Variants in ZNF407 observed in about 807,000 individuals in gnomAD.
ZNF407 encodes zinc finger protein 407.
ZNF407 carries 17 observed loss-of-function variants against 131.2 expected under a neutral mutation model. The observed-to-expected ratio is 0.13, with a 90% CI of 0.09 to 0.19. The LOEUF is 0.19. Among genes scored for constraint, ZNF407 ranks in the 10% least tolerant of loss-of-function variants. ZNF407 has a pLI of 1.00. For synonymous variants in ZNF407, 1,156 were observed against 1,062.0 expected (o/e 1.09, Z -1.72); for missense variants, 2,681 against 2,830.6 (o/e 0.95, Z 1.20).
intron 3 of ZNF407, among the ~76,000 whole-genome samples, chr18:74,754,267 T>C (rs190107237): frequency 6.6e-6 from 1 of 152,344 alleles, no homozygotes; most frequent in African/African-American, 2.4e-5. Flanking sequence ...GCTAGCGGTC[T>C]ATCAATTCTG....
In ZNF407 at chr18:74,632,501, A is replaced by G. The variant is rs371339535; in HGVS notation, c.1482A>G (p.Ser494=). ...SSVQRVCVTT[S]ETQEAEQGQG... is the part of the protein sequence containing the mutation. The stretch of plus-strand genomic sequence containing the variant: ...TGCAGAGAGTGTGTGTGACTACCTC[A>G]GAAACCCAGGAGGCAGAGCAGGGCC... The change falls in exon 2 of 9, where the codon TCA becomes TCG. Residue 494 remains serine, a synonymous_variant. Coordinates refer to ENST00000299687, the MANE Select transcript of ZNF407 (RefSeq NM_017757.3). 28 of 1,613,924 alleles carry G rather than the reference A, an allele frequency of 1.7e-5. No homozygotes were observed. The highest frequency in any genetic ancestry group is 4.5e-5 in the East Asian group (2 of 44,894).
Position 74,635,784 on chromosome 18 carries a change from T to TG in ZNF407, c.4687+80dup, listed in dbSNP as rs1984434771. ...CCATCCAGATATGCAGCCCTACCTG[T>TG]GGCTGCTCATTGGCTTTCCACCCGG... On this transcript the variant is annotated intron_variant, in intron 2 of 8. Transcript: ENST00000299687. The surrounding 1 kb of genome is among the most constrained non-coding windows in gnomAD (Gnocchi z 4.7). The TG allele has an allele frequency of 6.6e-7, 1 of 1,505,230 alleles. No homozygotes were observed. Among genetic ancestry groups the TG allele is most frequent in the Non-Finnish European group, 8.9e-7 (1 of 1,127,410 alleles). 93.2% of individuals were successfully genotyped at this position (1,505,230 alleles called of 1,614,324 possible).
intron 3 of ZNF407, among the ~76,000 whole-genome samples, chr18:74,669,273 GCTT>G (rs1196236209): frequency 3.3e-5 from 5 of 152,214 alleles, no homozygotes; most frequent in Non-Finnish European, 5.9e-5. Flanking sequence ...AGAGGACTCG[GCTT>G]TCTGACCAGG....
At chr18:74,909,901 T>C (rs1183624304) in intron 7 of ZNF407, among the ~76,000 whole-genome samples, 6 of 152,202 alleles carry the variant, frequency 3.9e-5, no homozygotes, top group African/African-American at 1.4e-4. Context: ...GCAGAGTTTT[T>C]CCTTTCTAAA....
chr18:74,888,668 T>G (rs1488401124), intron 6 of ZNF407, among the ~76,000 whole-genome samples: 1 of 152,196 alleles, frequency 6.6e-6, no homozygotes, highest in African/African-American at 2.4e-5. Context: ...CATTTAAATT[T>G]ACATTAATTA....
chr18:75,032,046 A>G (rs1320669701), intron 8 of ZNF407, among the ~76,000 whole-genome samples: 3 of 152,214 alleles, frequency 2.0e-5, no homozygotes, highest in African/African-American at 4.8e-5. Flanking sequence ...GAAACTTTCT[A>G]TCGTAAGTAG....
chr18:74,679,216 T>C (rs1420196147), intron 3 of ZNF407, among the ~76,000 whole-genome samples: 1 of 152,258 alleles, frequency 6.6e-6, no homozygotes, highest in African/African-American at 2.4e-5. Context: ...AAAAACGTAA[T>C]TGCCATCCAG....
intron 8 of ZNF407, among the ~76,000 whole-genome samples, chr18:74,930,052 G>T (rs977369066): frequency 6.6e-6 from 1 of 152,050 alleles, no homozygotes; most frequent in African/African-American, 2.4e-5. Flanking sequence ...CTGTATTCTC[G>T]TATTCAGAGT....
chr18:74,816,057 G>T (rs1369907337), intron 4 of ZNF407, among the ~76,000 whole-genome samples: 1 of 152,178 alleles, frequency 6.6e-6, no homozygotes, highest in Non-Finnish European at 1.5e-5. Flanking sequence ...ATGCTCATGA[G>T]TGTCCAAATT....
intron 1 of ZNF407, among the ~76,000 whole-genome samples, chr18:74,601,126 G>A (rs118169262): frequency 0.011 from 1,707 of 152,176 alleles, 19 homozygotes; most frequent in Non-Finnish European, 0.017. Context: ...TGTCTGCTTC[G>A]GGTGACTGGG....
At chr18:74,655,528 T>C (rs568580177) in intron 3 of ZNF407, among the ~76,000 whole-genome samples, 100 of 152,238 alleles carry the variant, frequency 6.6e-4, no homozygotes, top group African/African-American at 2.3e-3. Context: ...GTATTGACTC[T>C]TATCCCTTAT....
In ZNF407 at chr18:74,632,054, T is replaced by G; in HGVS notation, c.1035T>G (p.Leu345=). The change falls in exon 2 of 9, where the codon CTT becomes CTG. Residue 345 remains leucine (L), a synonymous_variant. Coordinates refer to ENST00000299687, the MANE Select transcript of ZNF407 (RefSeq NM_017757.3). ...SKQSGSSSEL[L]VEMMPSRNTL... ...AAAGTGGTAGTAGCAGTGAGCTTCT[T>G]GTTGAAATGATGCCTTCCAGAAATA... 1 of 1,613,750 alleles carries G rather than the reference T, an allele frequency of 6.2e-7. No homozygotes were observed. The highest frequency in any genetic ancestry group is 8.5e-7 in the Non-Finnish European group (1 of 1,179,830).
intron 4 of ZNF407, among the ~76,000 whole-genome samples, chr18:74,845,234 G>A (rs944459606): frequency 6.6e-6 from 1 of 152,200 alleles, no homozygotes; most frequent in Non-Finnish European, 1.5e-5. Flanking sequence ...TGATGCTAAA[G>A]TTCTCCTCCT....
chr18:74,906,823 G>A (rs1458862350), intron 7 of ZNF407, among the ~76,000 whole-genome samples: 1 of 151,994 alleles, frequency 6.6e-6, no homozygotes, highest in Non-Finnish European at 1.5e-5. Context: ...ATGTCTGTAT[G>A]TGCATGCACA....
intron 7 of ZNF407, among the ~76,000 whole-genome samples, chr18:74,891,202 T>C (rs1425481941): frequency 1.3e-5 from 2 of 152,188 alleles, no homozygotes; most frequent in African/African-American, 2.4e-5. Flanking sequence ...CCCCATGTGA[T>C]GGTCTGTGGG....
chr18:74,928,969 A>G (rs758812634), intron 8 of ZNF407, among the ~76,000 whole-genome samples: 1 of 152,124 alleles, frequency 6.6e-6, no homozygotes, highest in Non-Finnish European at 1.5e-5. Context: ...TTTCTACTGT[A>G]TAGTTTAGCG....
intron 3 of ZNF407, among the ~76,000 whole-genome samples, chr18:74,654,195 T>A (rs1421593147): frequency 6.6e-6 from 1 of 151,832 alleles, no homozygotes; most frequent in Non-Finnish European, 1.5e-5. Context: ...AAATACAGGA[T>A]AATATTTTAA....
At chr18:74,835,630 GT>G (rs1230471984) in intron 4 of ZNF407, among the ~76,000 whole-genome samples, 41 of 21,796 alleles carry the variant, frequency 1.9e-3, no homozygotes, top group East Asian at 0.018. Context: ...ACAGAGGGGG[GT>G]GTGTGTGTGT....
chr18:74,708,247 A>T (rs1967673400), intron 3 of ZNF407, among the ~76,000 whole-genome samples: 2 of 152,248 alleles, frequency 1.3e-5, no homozygotes, highest in South Asian at 2.1e-4. Context: ...AATTAAATTT[A>T]TATGCCAACA....
Sources: gnomAD v4.1 joint callset for allele counts (sites outside exome capture counted in the v4.1 genomes callset) on GRCh38, gnomAD v4.1.1 for gene constraint, Gnocchi (gnomAD v3.1) non-coding constraint, MANE v1.5 for transcripts, NCBI Gene and HGNC (gene_info 2026-07-23, HGNC 2026-07-21) for gene names.